Variants in SDHAF3 observed in about 807,000 individuals in gnomAD.
SDHAF3 encodes the protein succinate dehydrogenase assembly factor 3, mitochondrial.
SDHAF3 carries 18 observed loss-of-function variants against 11.5 expected under a neutral mutation model. The ratio of observed to expected loss-of-function variants is 1.56; its 90% CI spans 1.08 to 2.32. The LOEUF (loss-of-function observed/expected upper bound fraction) is 2.32. SDHAF3 is among the 30% of genes most tolerant of loss of function. The pLI is 0.00. For missense variants in SDHAF3, 200 were observed against 154.4 expected (o/e 1.30, Z -1.57); for synonymous variants, 72 against 59.3 (o/e 1.21, Z -0.99).
chr7:97,158,929 C>T (rs1474279931), intron 1 of SDHAF3, among the ~76,000 whole-genome samples: 10 of 152,218 alleles, frequency 6.6e-5, no homozygotes, highest in South Asian at 2.1e-4. Context: ...AATGTATACA[C>T]GTGTAAACAA....
intron 1 of SDHAF3, among the ~76,000 whole-genome samples, chr7:97,165,337 A>G (rs1263899779): frequency 7.4e-6 from 1 of 134,468 alleles, no homozygotes; most frequent in Non-Finnish European, 1.6e-5. Flanking sequence ...CAATTAAGGT[A>G]TCTCAAAGGA....
intron 1 of SDHAF3, among the ~76,000 whole-genome samples, chr7:97,146,342 A>G (rs968919625): frequency 2.0e-5 from 3 of 152,220 alleles, no homozygotes; most frequent in Non-Finnish European, 4.4e-5. Context: ...TGAAATGTGT[A>G]TTTATTGACA....
chr7:97,167,587 ATTAGT>A (rs1282416396), intron 1 of SDHAF3, among the ~76,000 whole-genome samples: 1 of 152,092 alleles, frequency 6.6e-6, no homozygotes, highest in Non-Finnish European at 1.5e-5. Context: ...TGTACAGGAG[ATTAGT>A]TTATTATTAT....
intron 1 of SDHAF3, among the ~76,000 whole-genome samples, chr7:97,162,835 G>A (rs1217602493): frequency 6.6e-6 from 1 of 152,128 alleles, no homozygotes; most frequent in African/African-American, 2.4e-5. Context: ...TAGAATAATT[G>A]CGATGAGGTG....
intron 1 of SDHAF3, among the ~76,000 whole-genome samples, chr7:97,149,855 A>G (rs1259604943): frequency 1.3e-5 from 2 of 152,244 alleles, no homozygotes; most frequent in African/African-American, 4.8e-5. Context: ...GTAGCATGCA[A>G]TGCTGTTTGA....
chr7:97,142,178 C>T (rs1168811021), intron 1 of SDHAF3, among the ~76,000 whole-genome samples: 3 of 150,854 alleles, frequency 2.0e-5, no homozygotes, highest in South Asian at 2.1e-4. Context: ...CTCAGCCTCC[C>T]GAGTAGCTGG....
intron 1 of SDHAF3, among the ~76,000 whole-genome samples, chr7:97,146,522 T>C (rs1789137543): frequency 6.6e-6 from 1 of 152,336 alleles, no homozygotes; most frequent in South Asian, 2.1e-4. Context: ...GACATATTTA[T>C]GTACTTTCTA....
intron 1 of SDHAF3, among the ~76,000 whole-genome samples, chr7:97,151,339 G>C (rs1789216556): frequency 6.6e-6 from 1 of 152,102 alleles, no homozygotes; most frequent in African/African-American, 2.4e-5. Flanking sequence ...ATAGGGGCTT[G>C]GGGCTTCTAG....
intron 1 of SDHAF3, among the ~76,000 whole-genome samples, chr7:97,131,616 T>TTA: frequency 6.6e-6 from 1 of 152,310 alleles, no homozygotes; most frequent in African/African-American, 2.4e-5. Flanking sequence ...TAAGATGTGA[T>TTA]TATATTATGA....
rs374813456 is a variant in SDHAF3 at position 97,146,730 on chromosome 7, T to C, written c.174+28833T>C. Among the ~76,000 whole-genome samples the C allele has an allele frequency of 5.3e-5, 8 of 151,894 alleles. No homozygotes were observed. In the East Asian group the frequency reaches 1.5e-3, roughly 29 times the overall value. ...TTGCCCAATGGAGGAGATTCTCAAA[T>C]CAATATTTTTTTGCATTTAAATTAT... On this transcript the variant is annotated intron_variant, in intron 1 of 1. Coordinates refer to ENST00000432641, the MANE Select transcript of SDHAF3 (RefSeq NM_020186.3).
chr7:97,132,364 A>T (rs992047114), intron 1 of SDHAF3, among the ~76,000 whole-genome samples: 1 of 151,640 alleles, frequency 6.6e-6, no homozygotes, highest in African/African-American at 2.4e-5. Context: ...GTAGATTCAA[A>T]ATGTATCTAA....
intron 1 of SDHAF3, among the ~76,000 whole-genome samples, chr7:97,119,745 C>G (rs989807728): frequency 6.6e-6 from 1 of 152,172 alleles, no homozygotes; most frequent in African/African-American, 2.4e-5. Flanking sequence ...GCTCCGTCTT[C>G]CTATCTTTCA....
intron 1 of SDHAF3, among the ~76,000 whole-genome samples, chr7:97,160,455 A>T (rs1225125758): frequency 1.3e-5 from 2 of 151,998 alleles, no homozygotes; most frequent in African/African-American, 4.8e-5. Context: ...TTTTGTCAAA[A>T]AGAAAAGGGG....
At chr7:97,164,976 G>A (rs1789478900) in intron 1 of SDHAF3, among the ~76,000 whole-genome samples, 1 of 152,112 alleles carries the variant, frequency 6.6e-6, no homozygotes, top group Admixed American at 6.6e-5. Context: ...AAATTGTAAT[G>A]GAAAACAATA....
chr7:97,149,463 G>A (rs1298786384), intron 1 of SDHAF3, among the ~76,000 whole-genome samples: 1 of 152,070 alleles, frequency 6.6e-6, no homozygotes, highest in East Asian at 1.9e-4. Flanking sequence ...CAAAACCACT[G>A]TAGTAGGAGC....
At position 97,122,378 on chromosome 7, in the gene SDHAF3, T is replaced by C. The variant is rs1198819123; in HGVS notation, c.174+4481T>C. On this transcript the variant is annotated intron_variant, in intron 1 of 1. Transcript: ENST00000432641. ...TGTTAGCAGCAATATAGAGGAATAA[T>C]TGAAGTAAAAGCCTGATTGAAAGTA... Among the ~76,000 whole-genome samples the C allele has an allele frequency of 3.3e-5, 5 of 152,150 alleles. 1 individual carries two copies. Among genetic ancestry groups the C allele is most frequent in the Non-Finnish European group, 7.3e-5 (5 of 68,038 alleles).
At chr7:97,164,067 C>T (rs1394318470) in intron 1 of SDHAF3, among the ~76,000 whole-genome samples, 2 of 151,914 alleles carry the variant, frequency 1.3e-5, no homozygotes, top group Non-Finnish European at 2.9e-5. Context: ...CCCTCAGCCT[C>T]CCAAGTAGCT....
chr7:97,153,290 A>G (rs1789253536), intron 1 of SDHAF3, among the ~76,000 whole-genome samples: 1 of 152,192 alleles, frequency 6.6e-6, no homozygotes, highest in Non-Finnish European at 1.5e-5. Flanking sequence ...ACATGTTGGA[A>G]TCATACAGAA....
chr7:97,121,456 C>T (rs1375311023), intron 1 of SDHAF3, among the ~76,000 whole-genome samples: 1 of 152,108 alleles, frequency 6.6e-6, no homozygotes, highest in East Asian at 1.9e-4. Context: ...TGTTGTTTTT[C>T]TTAAGTACCT....
Sources: allele counts gnomAD v4.1 joint callset (sites outside exome capture counted in the v4.1 genomes callset), GRCh38; gene constraint gnomAD v4.1.1; transcripts MANE v1.5; gene names NCBI Gene and HGNC (gene_info 2026-07-23, HGNC 2026-07-21).